Variants in NEK5 observed in about 807,000 individuals in gnomAD.
The protein encoded by NEK5 is NIMA related kinase 5, also known as serine/threonine-protein kinase Nek5.
Under a neutral mutation model 109.2 loss-of-function variants are expected in NEK5, and 88 were observed. The ratio of observed to expected loss-of-function variants is 0.81; its 90% CI spans 0.68 to 0.96. NEK5 has a LOEUF of 0.96. NEK5 is among the 40% of genes least tolerant of loss of function. NEK5 has a pLI of 0.00. For synonymous variants in NEK5, 283 were observed against 299.9 expected, an observed-to-expected ratio of 0.94 and a Z score of 0.58; for missense variants, 834 against 920.7, an observed-to-expected ratio of 0.91 and a Z score of 1.22.
intron 16 of NEK5, among the ~76,000 whole-genome samples, chr13:52,084,748 A>T (rs1286289547): frequency 1.4e-4 from 7 of 50,800 alleles, no homozygotes; most frequent in African/African-American, 2.6e-4. Flanking sequence ...AGAGAGAGAG[A>T]GAGAGAGAGA....
At chr13:52,048,997 T>A (rs1221891146) in intron 23 of NEK5, among the ~76,000 whole-genome samples, 1 of 152,222 alleles carries the variant, frequency 6.6e-6, no homozygotes, top group East Asian at 1.9e-4. Flanking sequence ...TCACCATAAA[T>A]AAATGATAAG....
chr13:52,102,503 C>T lies in NEK5; in HGVS notation c.610-211G>A, dbSNP rs1381047613. 2.0e-5 allele frequency among the ~76,000 whole-genome samples: 3 copies of T among 152,152 alleles called. No individual in the cohort carries two copies. The East Asian group carries it at 5.8e-4, about 29-fold the overall frequency. On this transcript the variant is annotated intron_variant, in intron 9 of 23. Transcript: ENST00000684899. ...AGGAGTTCAAGACCAGCCTGGGAAA[C>T]ATAGTTAGACCTCATCTCTCCAAAT...
chr13:52,119,437 A>G, intron 3 of NEK5, 22 bp from the exon 4 acceptor site: 2 of 1,302,200 alleles, frequency 1.5e-6, no homozygotes, highest in Non-Finnish European at 2.2e-6. Context: ...TAAGAGACAG[A>G]GTAGTCTATA....
chr13:52,113,633 C>CT (rs753940562), intron 4 of NEK5, among the ~76,000 whole-genome samples: 42 of 145,500 alleles, frequency 2.9e-4, no homozygotes, highest in East Asian at 4.0e-4. Context: ...AATTTTTTTT[C>CT]TTTTTTTTTT....
intron 19 of NEK5, among the ~76,000 whole-genome samples, chr13:52,073,856 G>A (rs1954820816): frequency 6.6e-6 from 1 of 151,958 alleles, no homozygotes; most frequent in African/African-American, 2.4e-5. Flanking sequence ...GCCAAATCAA[G>A]AACGTAATCC....
intron 3 of NEK5, among the ~76,000 whole-genome samples, chr13:52,125,698 G>A (rs9568713): frequency 0.41 from 61,733 of 152,044 alleles, 14,337 homozygotes; most frequent in East Asian, 0.52. Context: ...AAGTGGGGCA[G>A]TTTAGGTGAC....
Position 52,076,086 on chromosome 13 carries a change from G to C in NEK5, c.1630C>G (p.Pro544Ala). Residue 544 changes from proline to alanine, a missense_variant, in exon 18 of 24, where the codon CCA becomes GCA. Coordinates refer to ENST00000684899, the MANE Select transcript of NEK5 (RefSeq NM_001365552.1). ...ACCTTAGCTTTATATTTCTGTTCTG[G>C]ATTTTTACTTTCCTTTGTGTTCTGA... ...RLQNTKESKNPEQKYKAKKGV... is the reference protein window; with the variant it reads ...RLQNTKESKNAEQKYKAKKGV... The C allele has an allele frequency of 6.3e-7, 1 of 1,597,806 alleles. No individual in the cohort carries two copies. Among genetic ancestry groups the C allele is most frequent in the Non-Finnish European group, 8.6e-7 (1 of 1,169,218 alleles).
rs553838190 is a variant in NEK5, at chr13:52,093,370, G to C, written c.1027-135C>G. 1.2e-5 allele frequency: 7 copies of C among 569,816 alleles called. No homozygotes were observed. In the East Asian group the frequency reaches 1.6e-4, roughly 13 times the overall value. The allele number at this position is 569,816 out of a possible 1,614,324, so 35.3% of individuals were successfully genotyped here. A position where few individuals can be genotyped will look rare whatever the true frequency, so the allele number is the denominator to read the frequency against. The stretch of plus-strand genomic sequence containing the variant: ...AGGTCAGGAGTTCAAGACCAGCCTG[G>C]CCAACATGGCAAAACCTCGTCTGTA... On this transcript the variant is annotated intron_variant, in intron 12 of 23. Transcript: ENST00000684899.
In NEK5 at chr13:52,102,108, T is replaced by G. The variant is rs764540286; in HGVS notation, c.794A>C (p.Lys265Thr). The G allele has an allele frequency of 1.9e-6, 3 of 1,613,974 alleles. No individual in the cohort carries two copies. The highest frequency in any genetic ancestry group is 2.5e-6 in the Non-Finnish European group (3 of 1,179,880). The stretch of plus-strand genomic sequence containing the variant: ...AAAACTTACCTCAGGAGTCAAATAT[T>G]TGGGAATAAGATTCTCTAAAAAGGG... The part of the protein sequence containing the change: ...KRPFLENLIP[K>T]YLTPEVIQEE... Residue 265 changes from lysine to threonine, a missense_variant, in exon 10 of 24, where the codon AAA becomes ACA. Around this residue, in one of 2 missense-constraint regions of NEK5, gnomAD observed 777 missense variants for 824.7 expected, o/e 0.94. Transcript: ENST00000684899.
chr13:52,052,092 C>A (rs1022632004), intron 22 of NEK5, among the ~76,000 whole-genome samples: 2 of 151,266 alleles, frequency 1.3e-5, no homozygotes, highest in African/African-American at 4.9e-5. Flanking sequence ...AAGCCCTCCC[C>A]CCGACCCCAC....
intron 16 of NEK5, among the ~76,000 whole-genome samples, chr13:52,083,893 C>T (rs963507733): frequency 7.2e-5 from 11 of 152,130 alleles, no homozygotes; most frequent in African/African-American, 2.4e-4. Context: ...CAGCCTTAGA[C>T]ATAAGGCTGA....
chr13:52,087,376 G>A lies in NEK5; in HGVS notation c.1354C>T (p.Gln452Ter). Residue 452 changes from glutamine to a stop codon, truncating the protein, a stop_gained, in exon 15 of 24, where the codon CAG (glutamine) becomes TAG (stop). Coordinates refer to ENST00000684899, the MANE Select transcript of NEK5 (RefSeq NM_001365552.1). LOFTEE classifies it high-confidence loss of function. ...TCGTTTTTCCTAAATGGCAGCTCCT[G>A]GAATCTAGGCTCTTCTCCATTACTT... ...LRSNGEEPRF[Q>*]ELPFRKNEMK... The A allele has an allele frequency of 1.2e-6, 2 of 1,609,962 alleles. No individual in the cohort carries two copies. The highest frequency in any genetic ancestry group is 1.7e-6 in the Non-Finnish European group (2 of 1,176,660).
intron 21 of NEK5, among the ~76,000 whole-genome samples, chr13:52,064,331 C>G (rs1360833590): frequency 2.9e-5 from 4 of 140,160 alleles, no homozygotes; most frequent in African/African-American, 1.1e-4. Flanking sequence ...GCCTGGCCAG[C>G]CGCCCCATCC....
intron 17 of NEK5, among the ~76,000 whole-genome samples, chr13:52,080,412 C>G (rs111784456): frequency 0.4 from 59,398 of 148,122 alleles, 13,088 homozygotes; most frequent in Non-Finnish European, 0.52. Context: ...TCATTGAGAA[C>G]GGGCCATGAT....
chr13:52,122,688 A>G (rs1181717277), intron 3 of NEK5, among the ~76,000 whole-genome samples: 2 of 152,144 alleles, frequency 1.3e-5, no homozygotes, highest in African/African-American at 4.8e-5. Context: ...AATTGTTTGA[A>G]CCTGGGAGGC....
At chr13:52,121,631 T>G (rs915456335) in intron 3 of NEK5, among the ~76,000 whole-genome samples, 30 of 152,346 alleles carry the variant, frequency 2.0e-4, no homozygotes, top group African/African-American at 7.0e-4. Context: ...GAAACTTCCC[T>G]CTTTCTTTCT....
chr13:52,072,376 T>C (rs1954798380), intron 19 of NEK5, among the ~76,000 whole-genome samples: 1 of 152,242 alleles, frequency 6.6e-6, no homozygotes, highest in African/African-American at 2.4e-5. Flanking sequence ...CTCTCAAGCT[T>C]TTCTCATTCA....
chr13:52,127,383 C>G lies in NEK5; in HGVS notation c.100G>C (p.Glu34Gln). The G allele has an allele frequency of 1.9e-6, 3 of 1,596,430 alleles. No individual in the cohort carries two copies. Among genetic ancestry groups the G allele is most frequent in the Non-Finnish European group, 2.6e-6 (3 of 1,163,954 alleles). ...KSDSKHCVIK[E>Q]INFEKMPIQE... ...AACTTTACCTTTTCAAAATTGATCT[C>G]TTTTATGACACAGTGCTTGCTATCT... The change falls in exon 3 of 24, where the codon GAG becomes CAG. Residue 34 changes from glutamate to glutamine, a missense_variant. Glu to Gln is a conservative substitution (Grantham distance 29). Transcript: ENST00000684899.
intron 17 of NEK5, among the ~76,000 whole-genome samples, chr13:52,080,654 G>A (rs1228535962): frequency 1.1e-4 from 16 of 152,052 alleles, no homozygotes; most frequent in African/African-American, 1.9e-4. Context: ...GATTAAGGGC[G>A]GTGCAAGATG....
Sources: allele counts gnomAD v4.1 joint callset (sites outside exome capture counted in the v4.1 genomes callset), GRCh38; gene constraint gnomAD v4.1.1; regional missense constraint gnomAD v4.1.1; transcripts MANE v1.5; gene names NCBI Gene and HGNC (gene_info 2026-07-23, HGNC 2026-07-21).